Variants in ARFGEF1 observed in about 807,000 individuals in gnomAD.
ARFGEF1 encodes ARF guanine nucleotide exchange factor 1.
In ARFGEF1, 42 loss-of-function variants were observed where a neutral mutation model predicts 231.0. The ratio of observed to expected loss-of-function variants is 0.18; its 90% confidence interval spans 0.14 to 0.24. The LOEUF is 0.24. Ranked by LOEUF, ARFGEF1 falls within the 10% of genes least tolerant of loss-of-function variation. The pLI, the probability that ARFGEF1 is intolerant of heterozygous loss-of-function variation, is 1.00. For synonymous variants in ARFGEF1, 710 were observed against 732.3 expected, an observed-to-expected ratio of 0.97 and a Z score of 0.49; for missense variants, 1,345 against 2,192.0, an observed-to-expected ratio of 0.61 and a Z score of 7.72.
At chr8:67,238,986 A>T in intron 20 of ARFGEF1, 93 bp from the exon 21 acceptor site, 5 of 883,258 alleles carry the variant, frequency 5.7e-6, no homozygotes, top group Non-Finnish European at 6.3e-6. Flanking sequence ...GTTCAGTAAG[A>T]TTTTGTTTTT....
intron 7 of ARFGEF1, among the ~76,000 whole-genome samples, chr8:67,279,267 TC>T (rs1398967007): frequency 2.0e-5 from 3 of 152,138 alleles, no homozygotes. Flanking sequence ...TATGATTCTC[TC>T]CCCACCTCCC....
chr8:67,254,004 T>A (rs1840376728), intron 17 of ARFGEF1, among the ~76,000 whole-genome samples: 1 of 152,242 alleles, frequency 6.6e-6, no homozygotes, highest in Admixed American at 6.5e-5. Flanking sequence ...AGAACATAAA[T>A]GTGCTGTTAA....
At chr8:67,183,676 A>G (rs1157587635) in intron 5 of ARFGEF1, among the ~76,000 whole-genome samples, 2 of 152,136 alleles carry the variant, frequency 1.3e-5, no homozygotes, top group Admixed American at 1.3e-4. Context: ...CTACTTTCCT[A>G]ATGTATGCAT....
chr8:67,286,742 T>C (rs1805776951), intron 7 of ARFGEF1, among the ~76,000 whole-genome samples: 1 of 152,176 alleles, frequency 6.6e-6, no homozygotes, highest in South Asian at 2.1e-4. Flanking sequence ...TCATGGTCGG[T>C]TCTTCACTCT....
At chr8:67,195,899 A>G (rs370364471), downstream of ARFGEF1, 4 of 259,500 alleles carry the variant, frequency 1.5e-5, no homozygotes, top group East Asian at 8.7e-5. Flanking sequence ...GATAAGGTGA[A>G]TAAGTGTCTT....
intron 1 of ARFGEF1, among the ~76,000 whole-genome samples, chr8:67,332,401 G>A (rs1293214224): frequency 6.6e-6 from 1 of 152,160 alleles, no homozygotes; most frequent in Non-Finnish European, 1.5e-5. Flanking sequence ...TGAATCCCTG[G>A]GAGGTGTTAC....
At chr8:67,302,500 A>G in intron 1 of ARFGEF1, 34 bp from the exon 2 acceptor site, 4 of 1,512,820 alleles carry the variant, frequency 2.6e-6, no homozygotes, top group Non-Finnish European at 3.6e-6. Flanking sequence ...TACATTAGAA[A>G]ACTGGACAGC....
At chr8:67,282,348 T>C (rs1805569462) in intron 7 of ARFGEF1, among the ~76,000 whole-genome samples, 2 of 152,146 alleles carry the variant, frequency 1.3e-5, no homozygotes, top group Admixed American at 6.5e-5. Context: ...TAATTAGCTA[T>C]AGAATTTCAC....
intron 14 of ARFGEF1, among the ~76,000 whole-genome samples, chr8:67,264,660 T>C (rs2128892930): frequency 6.6e-6 from 1 of 152,190 alleles, no homozygotes; most frequent in Non-Finnish European, 1.5e-5. Flanking sequence ...GAAACAGTTG[T>C]AGACAAGTAT....
intron 1 of ARFGEF1, among the ~76,000 whole-genome samples, chr8:67,317,677 GAAGC>G (rs1807384931): frequency 6.6e-6 from 1 of 151,176 alleles, no homozygotes. Context: ...TTGGGAGGCT[GAAGC>G]AGGTGGATCA....
chr8:67,264,360 C>T (rs1056831326), intron 14 of ARFGEF1, among the ~76,000 whole-genome samples: 6 of 151,938 alleles, frequency 3.9e-5, no homozygotes, highest in African/African-American at 1.2e-4. Context: ...AGATTAGATT[C>T]GAGAATCTAA....
chr8:67,204,622 C>G (rs1838447399), intron 35 of ARFGEF1, 58 bp downstream of exon 35: 1 of 1,555,152 alleles, frequency 6.4e-7, no homozygotes, highest in African/African-American at 1.4e-5. Context: ...ACAGCCCAGA[C>G]TGCTATACCT....
chr8:67,182,281 T>G (rs980760725), intron 5 of ARFGEF1, among the ~76,000 whole-genome samples: 4 of 152,100 alleles, frequency 2.6e-5, no homozygotes, highest in African/African-American at 9.7e-5. Context: ...GTGCTGAGAT[T>G]ACAGGTGTGA....
chr8:67,287,549 C>T (rs35754047), intron 7 of ARFGEF1, among the ~76,000 whole-genome samples: 37,898 of 152,088 alleles, frequency 0.25, 5,028 homozygotes, highest in East Asian at 0.38. Context: ...TCTTGAAGGC[C>T]TCCGACACAC....
At chr8:67,305,049 A>G (rs1411610478) in intron 1 of ARFGEF1, among the ~76,000 whole-genome samples, 2 of 152,220 alleles carry the variant, frequency 1.3e-5, no homozygotes, top group African/African-American at 2.4e-5. Context: ...ATAATTACAG[A>G]ATAGGATATT....
At chr8:67,282,962 T>C (rs887723834) in intron 7 of ARFGEF1, among the ~76,000 whole-genome samples, 2 of 151,890 alleles carry the variant, frequency 1.3e-5, no homozygotes, top group Non-Finnish European at 2.9e-5. Flanking sequence ...AATTTCTTAG[T>C]ATGAAGAACT....
At chr8:67,226,954 G>A (rs902860902) in intron 27 of ARFGEF1, among the ~76,000 whole-genome samples, 183 bp downstream of exon 27, 4 of 151,950 alleles carry the variant, frequency 2.6e-5, no homozygotes, top group African/African-American at 7.3e-5. Context: ...TTGCCATATG[G>A]TAAATACTCA....
chr8:67,251,590 T>A (rs1209961220), intron 18 of ARFGEF1, 140 bp from the exon 19 acceptor site: 1 of 791,346 alleles, frequency 1.3e-6, no homozygotes, highest in Admixed American at 3.6e-5. Context: ...CCATATTATA[T>A]GATTACACTT....
At chr8:67,289,952 A>G (rs193065103) in intron 6 of ARFGEF1, among the ~76,000 whole-genome samples, 2 of 152,288 alleles carry the variant, frequency 1.3e-5, no homozygotes, top group Admixed American at 1.3e-4. Flanking sequence ...TGAAGGGTCA[A>G]TTTTCACATA....
Sources: gnomAD v4.1 joint callset for allele counts (sites outside exome capture counted in the v4.1 genomes callset) on GRCh38, gnomAD v4.1.1 for gene constraint, MANE v1.5 for transcripts, NCBI Gene and HGNC (gene_info 2026-07-23, HGNC 2026-07-21) for gene names.